IL1RAPL1: variants seen among roughly 807,000 people sequenced by gnomAD.
IL1RAPL1 encodes the protein interleukin-1 receptor accessory protein-like 1.
A neutral mutation model predicts 48.4 loss-of-function variants in IL1RAPL1; 3 were observed. The ratio of observed to expected loss-of-function variants is 0.06; its 90% CI spans 0.03 to 0.16. IL1RAPL1 has a LOEUF of 0.16. Ranked by LOEUF, IL1RAPL1 falls within the 10% of genes least tolerant of loss-of-function variation. IL1RAPL1 has a pLI of 1.00. For synonymous variants in IL1RAPL1, 185 were observed against 187.7 expected, an observed-to-expected ratio of 0.99 and a Z score of 0.12; for missense variants, 349 against 530.6, an observed-to-expected ratio of 0.66 and a Z score of 3.36.
chrX:29,397,412 C>T (rs1379392775), intron 4 of IL1RAPL1, among the ~76,000 whole-genome samples: 1 of 111,922 alleles, frequency 8.9e-6, no homozygotes, highest in Non-Finnish European at 1.9e-5. Context: ...AATGCTCTTT[C>T]CTAAGTAAGA....
intron 2 of IL1RAPL1, among the ~76,000 whole-genome samples, chrX:29,282,487 G>GT (rs1021770208): frequency 2.7e-5 from 3 of 112,080 alleles, no homozygotes; most frequent in Non-Finnish European, 5.6e-5. Flanking sequence ...CTTGCACGCT[G>GT]TAAGAGCCTG....
chrX:29,803,637 A>G (rs1930179477), intron 6 of IL1RAPL1, among the ~76,000 whole-genome samples: 1 of 103,880 alleles, frequency 9.6e-6, no homozygotes, highest in Non-Finnish European at 2.0e-5. Context: ...ATATGTGTAT[A>G]TATATACACG....
chrX:29,822,353 T>A (rs1382832736), intron 6 of IL1RAPL1, among the ~76,000 whole-genome samples: 1 of 111,544 alleles, frequency 9.0e-6, no homozygotes, highest in African/African-American at 3.3e-5. Flanking sequence ...GCATAAATTA[T>A]AGAAGCAGAT....
intron 2 of IL1RAPL1, among the ~76,000 whole-genome samples, chrX:28,852,986 TAGAC>T (rs1354132981): frequency 9.0e-6 from 1 of 110,884 alleles, no homozygotes; most frequent in Non-Finnish European, 1.9e-5. Context: ...CTGATATAGA[TAGAC>T]ATAAATGCAA....
rs149803880 is a variant in IL1RAPL1, at chrX:29,584,198, G to T, written c.704-84232G>T. ...TACTCTGTCCATATCACTGCTCCAA[G>T]GTGGCTTATGGTACTATATTTCCAA... On this transcript the variant is annotated intron_variant, in intron 5 of 10. Transcript: ENST00000378993. Among the ~76,000 whole-genome samples, 531 of 111,088 alleles carry T rather than the reference G, an allele frequency of 4.8e-3. 2 individuals carry two copies. The highest frequency in any genetic ancestry group is 9.4e-3 in the Middle Eastern group (2 of 213).
At chrX:29,287,562 T>G (rs1237903951) in intron 3 of IL1RAPL1, among the ~76,000 whole-genome samples, 2 of 112,382 alleles carry the variant, frequency 1.8e-5, no homozygotes, top group African/African-American at 6.5e-5. Context: ...TTTCTCCACA[T>G]CCTTGCAGCA....
chrX:28,706,545 TG>T lies in IL1RAPL1; in HGVS notation c.-24-82772del, dbSNP rs1234820390. 3.6e-5 allele frequency among the ~76,000 whole-genome samples: 4 copies of T among 110,919 alleles called. No homozygotes were observed. In the Admixed American group the frequency reaches 3.8e-4, roughly 11 times the overall value. The stretch of plus-strand genomic sequence containing the variant: ...CTCCTGCCTCAGCCTCCCAAGTAAC[TG>T]GGATTACAGGCACACGCCACCATGC... On this transcript the variant is annotated intron_variant, in intron 1 of 10. Transcript: ENST00000378993.
At chrX:29,063,224 A>C (rs1927378769) in intron 2 of IL1RAPL1, among the ~76,000 whole-genome samples, 1 of 111,777 alleles carries the variant, frequency 8.9e-6, no homozygotes, top group African/African-American at 3.2e-5. Flanking sequence ...TTATATTTTA[A>C]CTTAAATATT....
At chrX:28,649,402 G>A (rs57994764) in intron 1 of IL1RAPL1, among the ~76,000 whole-genome samples, 11,567 of 111,640 alleles carry the variant, frequency 0.1, 644 homozygotes, top group African/African-American at 0.22. Context: ...AGAACAAAAT[G>A]AAGAACAGAA....
At chrX:29,862,715 C>A (rs779669200) in intron 6 of IL1RAPL1, among the ~76,000 whole-genome samples, 3 of 110,385 alleles carry the variant, frequency 2.7e-5, no homozygotes, top group Non-Finnish European at 5.7e-5. Flanking sequence ...CAAATGGCTT[C>A]TTAAGAAGTA....
At chrX:29,238,067 G>C (rs2147562400) in intron 2 of IL1RAPL1, among the ~76,000 whole-genome samples, 1 of 111,272 alleles carries the variant, frequency 9.0e-6, no homozygotes, top group Non-Finnish European at 1.9e-5. Flanking sequence ...GAATGGAAAA[G>C]AGTGCAAATG....
At chrX:29,760,593 C>T in intron 6 of IL1RAPL1, among the ~76,000 whole-genome samples, 1 of 111,504 alleles carries the variant, frequency 9.0e-6, no homozygotes, top group East Asian at 2.8e-4. Flanking sequence ...TGGGTATGTC[C>T]TGGAATCTAC....
chrX:28,906,199 C>T (rs897364844), intron 2 of IL1RAPL1, among the ~76,000 whole-genome samples: 1 of 112,703 alleles, frequency 8.9e-6, no homozygotes, highest in African/African-American at 3.2e-5. Flanking sequence ...AAACCACCCC[C>T]GTGATCTGAT....
At chrX:29,691,750 CAAAAAAAAAAAAA>C (rs761236508) in intron 6 of IL1RAPL1, among the ~76,000 whole-genome samples, 1 of 17,685 alleles carries the variant, frequency 5.7e-5, no homozygotes, top group Non-Finnish European at 9.1e-5. Flanking sequence ...GACTCCGTCT[CAAAAAAAAAAAAA>C]AAAAAAAAAC....
intron 1 of IL1RAPL1, chrX:28,659,458 T>C: frequency 1.9e-6 from 1 of 519,015 alleles, no homozygotes; most frequent in Non-Finnish European, 3.5e-6. Context: ...AAGTCAGCTT[T>C]GTAGGAGCCA....
chrX:29,948,740 A>AC (rs1933258278), intron 9 of IL1RAPL1, among the ~76,000 whole-genome samples: 1 of 109,664 alleles, frequency 9.1e-6, no homozygotes, highest in South Asian at 3.9e-4. Flanking sequence ...TTATCTTTGA[A>AC]CCCTCCTCCA....
At chrX:29,878,476 C>A (rs986932217) in intron 6 of IL1RAPL1, among the ~76,000 whole-genome samples, 5 of 111,591 alleles carry the variant, frequency 4.5e-5, no homozygotes, top group African/African-American at 1.6e-4. Flanking sequence ...TGAGACATTG[C>A]CATGAACAAA....
At chrX:29,733,179 G>T (rs1192252644) in intron 6 of IL1RAPL1, among the ~76,000 whole-genome samples, 1 of 111,644 alleles carries the variant, frequency 9.0e-6, no homozygotes, top group Non-Finnish European at 1.9e-5. Context: ...TTCCCTCTGA[G>T]CTCCCCCAGT....
intron 1 of IL1RAPL1, among the ~76,000 whole-genome samples, chrX:28,727,423 G>A (rs1386631497): frequency 9.7e-6 from 1 of 102,643 alleles, no homozygotes; most frequent in Non-Finnish European, 2.0e-5. Flanking sequence ...ATCAGCTTAA[G>A]GAGATTTTGG....
Sources: gnomAD v4.1 joint callset for allele counts (sites outside exome capture counted in the v4.1 genomes callset) on GRCh38, gnomAD v4.1.1 for gene constraint, MANE v1.5 for transcripts, NCBI Gene and HGNC (gene_info 2026-07-23, HGNC 2026-07-21) for gene names.